Variants in HMCN2 observed in about 807,000 individuals in gnomAD.
HMCN2 encodes the protein hemicentin 2, also known as hemicentin-2.
Under a neutral mutation model 377.5 loss-of-function variants are expected in HMCN2, and 325 were observed. The observed-to-expected ratio is 0.86, with a 90% CI of 0.79 to 0.94. The LOEUF is 0.94. HMCN2 is among the 40% of genes least tolerant of loss of function. HMCN2 has a pLI of 0.00. For missense variants in HMCN2, 4,543 were observed against 4,725.3 expected, an observed-to-expected ratio of 0.96 and a Z score of 1.13; for synonymous variants, 2,007 against 2,046.8, an observed-to-expected ratio of 0.98 and a Z score of 0.53.
chr9:130,410,403 A>G (rs1357696475), intron 84 of HMCN2, among the ~76,000 whole-genome samples, 168 bp from the exon 85 acceptor site: 1 of 152,212 alleles, frequency 6.6e-6, no homozygotes, highest in Non-Finnish European at 1.5e-5. Context: ...GTCTGCTGAC[A>G]AGTGGTCACA....
rs549447492 is a variant in HMCN2, at chr9:130,268,594, CT to C, written c.259+2458del. On this transcript the variant is annotated intron_variant, in intron 1 of 97. Transcript: ENST00000683500. ...AAGGGGGCTAAGGAAAGACCCCCCC[CT>C]GAGGAAGCAGCCTGTGAGTAGGGCC... Among the ~76,000 whole-genome samples the C allele has an allele frequency of 3.2e-4, 48 of 149,584 alleles. 2 individuals are homozygous for C. The highest frequency in any genetic ancestry group is 3.5e-3 in the Middle Eastern group (1 of 284).
chr9:130,307,237 C>A (rs1334696071), intron 13 of HMCN2, among the ~76,000 whole-genome samples: 5 of 152,022 alleles, frequency 3.3e-5, no homozygotes, highest in Non-Finnish European at 7.4e-5. Context: ...CGGTCATGAC[C>A]TCTGTGAGGC....
rs1276037604 is a variant in HMCN2, at chr9:130,277,901, T to C, written c.260-6702T>C. On this transcript the variant is annotated intron_variant, in intron 1 of 97. Coordinates refer to ENST00000683500, the MANE Select transcript of HMCN2 (RefSeq NM_001291815.2). Reference sequence around the variant, plus strand: ...ACCACCATCATCATCACCACCACCATCATCATCACCACCACCACCATCATC... The same window carrying C: ...ACCACCATCATCATCACCACCACCACCATCATCACCACCACCACCATCATC... Among the ~76,000 whole-genome samples the C allele has an allele frequency of 2.1e-4, 3 of 14,622 alleles. 1 individual carries two copies. The highest frequency in any genetic ancestry group is 1.6e-3 in the Admixed American group (2 of 1,214). 9.6% of individuals were successfully genotyped at this position (14,622 alleles called of 152,430 possible).
intron 1 of HMCN2, among the ~76,000 whole-genome samples, chr9:130,278,423 C>T (rs564625771): frequency 4.6e-5 from 7 of 152,010 alleles, no homozygotes; most frequent in East Asian, 3.9e-4. Context: ...CGCGCCCGGC[C>T]GCCATCATTG....
At position 130,351,412 on chromosome 9, in the gene HMCN2, C is replaced by G. The variant is rs1001024909; in HGVS notation, c.4431-11C>G. 1 of 1,296,756 alleles carries G rather than the reference C, an allele frequency of 7.7e-7. No homozygotes were observed. The highest frequency in any genetic ancestry group is 1.0e-6 in the Non-Finnish European group (1 of 983,468). 80.3% of individuals were successfully genotyped at this position (1,296,756 alleles called of 1,614,324 possible). ...GCCTTACTGGCGCTTTTCCCTTGCC[C>G]GTCTCTCCAGGCCTGTCCTTCCGGG... On this transcript the variant is annotated splice_polypyrimidine_tract_variant and intron_variant, in intron 29 of 97. Coordinates refer to ENST00000683500, the MANE Select transcript of HMCN2 (RefSeq NM_001291815.2). The surrounding 1 kb of genome is among the most constrained non-coding windows in gnomAD (Gnocchi z 5.4).
Position 130,414,146 on chromosome 9 carries a change from C to T in HMCN2, c.12961+3494C>T, listed in dbSNP as rs1342321211. Reference sequence around the variant, plus strand: ...CTCGCCCCTGTACCGAGGCACTGCTCTCCCCACACTGGAGCAGGATGCTGT... The same window carrying T: ...CTCGCCCCTGTACCGAGGCACTGCTTTCCCCACACTGGAGCAGGATGCTGT... On this transcript the variant is annotated intron_variant, in intron 85 of 97. Transcript: ENST00000683500. The surrounding 1 kb of genome is among the most constrained non-coding windows in gnomAD (Gnocchi z 4.4). Among the ~76,000 whole-genome samples, 3 of 152,210 alleles carry T rather than the reference C, an allele frequency of 2.0e-5. No individual in the cohort carries two copies. The highest frequency in any genetic ancestry group is 4.4e-5 in the Non-Finnish European group (3 of 68,048).
chr9:130,326,672 C>T (rs1838149214), intron 21 of HMCN2, among the ~76,000 whole-genome samples: 1 of 152,090 alleles, frequency 6.6e-6, no homozygotes, highest in Non-Finnish European at 1.5e-5. Flanking sequence ...TTTTGATGTC[C>T]CCAACTGGCT....
At chr9:130,367,126 G>A (rs771461745) in intron 43 of HMCN2, among the ~76,000 whole-genome samples, 15 of 152,258 alleles carry the variant, frequency 9.9e-5, no homozygotes, top group East Asian at 1.9e-4. Flanking sequence ...ATGAGAGGAG[G>A]CAGGGAATCA....
chr9:130,427,339 G>C lies in HMCN2; in HGVS notation c.13906G>C (p.Gly4636Arg). The C allele has an allele frequency of 6.4e-7, 1 of 1,550,572 alleles. No individual in the cohort carries two copies. Among genetic ancestry groups the C allele is most frequent in the Non-Finnish European group, 8.7e-7 (1 of 1,146,990 alleles). ...GGAGAACGAGGTCGGCTGCCCCGAG[G>C]GCTTTGAGCTGGACTCCCAGGGAGC... The part of the protein sequence containing the change: ...AEENEVGCPE[G>R]FELDSQGAFC... The change falls in exon 91 of 98, where the codon GGC becomes CGC. Residue 4636 changes from glycine to arginine, a missense_variant. By Grantham distance (125) the Gly-to-Arg change is moderately radical (BLOSUM62 -2). Transcript: ENST00000683500.
Position 130,391,105 on chromosome 9 carries a change from G to A in HMCN2, c.9652G>A (p.Val3218Met), listed in dbSNP as rs946945956. The A allele has an allele frequency of 3.2e-5, 32 of 987,870 alleles. No individual in the cohort carries two copies. The highest frequency in any genetic ancestry group is 1.1e-4 in the East Asian group (1 of 8,812). The allele number at this position is 987,870 out of a possible 1,614,324, so 61.2% of individuals were successfully genotyped here. A position where few individuals can be genotyped will look rare whatever the true frequency, so the allele number is the denominator to read the frequency against. Reference protein sequence around the residue: ...NTQAEARKDFVVAVLVAPRIR... With the variant: ...NTQAEARKDFMVAVLVAPRIR... ...CCAGGCTGAGGCCCGCAAGGACTTC[G>A]TGGTAGCAGTGCTGGGTAGGTCTGC... The change falls in exon 63 of 98, where the codon GTG (valine) becomes ATG (methionine). Residue 3218 changes from valine (V) to methionine (M), a missense_variant. Physicochemically the swap from Val to Met is conservative, Grantham distance 21. Transcript: ENST00000683500.
At chr9:130,391,751 G>A (rs377497048) in intron 65 of HMCN2, among the ~76,000 whole-genome samples, 177 bp downstream of exon 65, 5 of 152,106 alleles carry the variant, frequency 3.3e-5, no homozygotes, top group East Asian at 1.9e-4. Flanking sequence ...GCGGAGATTC[G>A]GGAGGTGAGA....
rs1055162976 is a variant in HMCN2, at chr9:130,379,438, C to A, written c.8402C>A (p.Ser2801Ter). The A allele has an allele frequency of 5.0e-5, 49 of 985,746 alleles. No individual in the cohort carries two copies. Among genetic ancestry groups the A allele is most frequent in the Non-Finnish European group, 5.5e-5 (46 of 829,972 alleles). The allele number at this position is 985,746 out of a possible 1,614,324, so 61.1% of individuals were successfully genotyped here. A position where few individuals can be genotyped will look rare whatever the true frequency, so the allele number is the denominator to read the frequency against. ...LTWYREDQPL[S>*]AGDEVSVLQG... ...TGGTACAGAGAGGATCAGCCCCTCT[C>A]GGCCGGGGATGAGGTGTCTGTGCTG... Residue 2801 changes from serine to a stop codon, truncating the protein, a stop_gained, in exon 54 of 98, where the codon TCG becomes TAG. Transcript: ENST00000683500. LOFTEE classifies it high-confidence loss of function.
chr9:130,432,285 A>G, intron 96 of HMCN2, 144 bp from the exon 97 acceptor site: 1 of 736,384 alleles, frequency 1.4e-6, no homozygotes, highest in Non-Finnish European at 2.3e-6. Context: ...CTGGGTGGTC[A>G]TGGGTCAGAC....
At chr9:130,278,024 C>T (rs1217689559) in intron 1 of HMCN2, among the ~76,000 whole-genome samples, 3 of 74,444 alleles carry the variant, frequency 4.0e-5, no homozygotes, top group Non-Finnish European at 8.5e-5. Flanking sequence ...ATCACCACCA[C>T]CACGATCATC....
intron 81 of HMCN2, 88 bp from the exon 82 acceptor site, chr9:130,405,867 G>A (rs1312817624): frequency 6.0e-6 from 6 of 994,866 alleles, no homozygotes; most frequent in Non-Finnish European, 4.0e-6. Context: ...TGGGCTGGAT[G>A]CTCCATGAGA....
At chr9:130,405,876 G>A in intron 81 of HMCN2, 79 bp from the exon 82 acceptor site, 1 of 1,074,730 alleles carries the variant, frequency 9.3e-7, no homozygotes, top group South Asian at 1.5e-5. Context: ...TGCTCCATGA[G>A]AACCTTCAAG....
chr9:130,429,577 GGGTT>G lies in HMCN2; in HGVS notation c.14221_14224del (p.Leu4741ThrfsTer34), dbSNP rs1164228914. The G allele has an allele frequency of 3.2e-5, 49 of 1,550,328 alleles. No homozygotes were observed. The highest frequency in any genetic ancestry group is 4.2e-5 in the Non-Finnish European group (48 of 1,146,872). ...CCCAGATGTGGACGAATGCCTGGAG[GGGTT>G]GGACGACTGTCACTACAACCAGCTC... On this transcript the variant is annotated frameshift_variant, in exon 94 of 98. Coordinates refer to ENST00000683500, the MANE Select transcript of HMCN2 (RefSeq NM_001291815.2). LOFTEE classifies it high-confidence loss of function.
rs1564748067 is a variant in HMCN2, at chr9:130,286,263, A to G, written c.565A>G (p.Thr189Ala). Residue 189 changes from threonine to alanine, a missense_variant, in exon 4 of 98, where the codon ACC (threonine) becomes GCC (alanine). By Grantham distance (58) the Thr-to-Ala change is moderately conservative. Transcript: ENST00000683500. ...GYLAYEEIAA[T>A]SSGQVFHLDK... is the part of the protein sequence containing the mutation. ...CCTGGCTTATGAGGAGATCGCTGCC[A>G]CCAGCTCTGGGCAGGTGTTCCACCT... 2.1e-6 allele frequency: 1 copy of G among 471,120 alleles called. No homozygotes were observed. Among genetic ancestry groups the G allele is most frequent in the Admixed American group, 2.3e-5 (1 of 42,576 alleles). The allele number at this position is 471,120 out of a possible 1,614,324, so 29.2% of individuals were successfully genotyped here.
Position 130,393,058 on chromosome 9 carries a change from G to A in HMCN2, c.10137-154G>A, listed in dbSNP as rs754988673. Among the ~76,000 whole-genome samples, 7 of 151,462 alleles carry A rather than the reference G, an allele frequency of 4.6e-5. No individual in the cohort carries two copies. Among genetic ancestry groups the A allele is most frequent in the African/African-American group, 2.4e-5 (1 of 41,236 alleles). On this transcript the variant is annotated intron_variant, in intron 66 of 97. Transcript: ENST00000683500. This position sits in a 1 kb window ranked among gnomAD's most constrained non-coding sequence, Gnocchi z 5.2. ...AGCAAAGGCTGGGCTCAGTCACCCC[G>A]CCCCCTCTGGCCAGCAAGCTCTTGG...
Sources: allele counts gnomAD v4.1 joint callset (sites outside exome capture counted in the v4.1 genomes callset), GRCh38; gene constraint gnomAD v4.1.1; non-coding constraint Gnocchi (gnomAD v3.1); transcripts MANE v1.5; gene names NCBI Gene and HGNC (gene_info 2026-07-23, HGNC 2026-07-21).